The following ZHX2 variants were observed in gnomAD, a reference collection of about 807,000 sequenced individuals.
ZHX2 encodes zinc fingers and homeoboxes protein 2.
A neutral mutation model predicts 21.9 loss-of-function variants in ZHX2; 6 were observed. The ratio of observed to expected loss-of-function variants is 0.27; its 90% confidence interval spans 0.15 to 0.54. The LOEUF is 0.54. Among genes scored for constraint, ZHX2 ranks in the 20% least tolerant of loss-of-function variants. The pLI is 0.95. For missense variants in ZHX2, 908 were observed against 1,090.7 expected (o/e 0.83, Z 2.36); for synonymous variants, 434 against 437.1 (o/e 0.99, Z 0.09).
chr8:122,849,381 G>A (rs1818834419), intron 1 of ZHX2, among the ~76,000 whole-genome samples: 1 of 152,138 alleles, frequency 6.6e-6, no homozygotes, highest in Non-Finnish European at 1.5e-5. Flanking sequence ...AGTTTCCTGG[G>A]GTTGCTGGGA....
intron 1 of ZHX2, among the ~76,000 whole-genome samples, chr8:122,825,892 C>G (rs1435821505): frequency 1.7e-4 from 26 of 152,172 alleles, no homozygotes; most frequent in Admixed American, 1.7e-3. Context: ...TCCCCTCTCC[C>G]CCTCTCTTTA....
intron 2 of ZHX2, among the ~76,000 whole-genome samples, chr8:122,893,624 T>G (rs912507354): frequency 2.6e-5 from 4 of 152,206 alleles, no homozygotes; most frequent in Admixed American, 2.0e-4. Flanking sequence ...CTTTCAATTG[T>G]AATTTTTACT....
At chr8:122,808,372 C>T (rs2130596934) in intron 1 of ZHX2, among the ~76,000 whole-genome samples, 1 of 152,274 alleles carries the variant, frequency 6.6e-6, no homozygotes, top group East Asian at 1.9e-4. Flanking sequence ...AACGTACAAT[C>T]ATGGGTGGAA....
intron 2 of ZHX2, among the ~76,000 whole-genome samples, chr8:122,888,248 TTTTTTGTTTTTC>T (rs1819889802): frequency 6.6e-6 from 1 of 152,010 alleles, no homozygotes; most frequent in Non-Finnish European, 1.5e-5. Flanking sequence ...CTTGATTTTT[TTTTTTGTTTTTC>T]TTTTTTTAAA....
intron 1 of ZHX2, among the ~76,000 whole-genome samples, chr8:122,861,180 C>T (rs566601024): frequency 3.9e-5 from 6 of 151,936 alleles, no homozygotes; most frequent in Non-Finnish European, 8.8e-5. Flanking sequence ...GTGGAGTGAG[C>T]GGGTGTCATG....
intron 2 of ZHX2, among the ~76,000 whole-genome samples, chr8:122,876,693 A>G (rs981369383): frequency 9.2e-5 from 14 of 152,160 alleles, no homozygotes; most frequent in African/African-American, 3.4e-4. Context: ...TCCTTTGTAC[A>G]CCGATCGGCT....
chr8:122,876,186 A>T (rs757739124), intron 2 of ZHX2, among the ~76,000 whole-genome samples: 4 of 151,238 alleles, frequency 2.6e-5, no homozygotes, highest in Non-Finnish European at 5.9e-5. Flanking sequence ...AGCACCAGGA[A>T]CTCATAAGAG....
chr8:122,809,707 G>T (rs1181194057), intron 1 of ZHX2, among the ~76,000 whole-genome samples: 8 of 152,086 alleles, frequency 5.3e-5, no homozygotes, highest in African/African-American at 1.9e-4. Flanking sequence ...TCACGCGTGG[G>T]GCCTGAAGTG....
intron 2 of ZHX2, among the ~76,000 whole-genome samples, chr8:122,908,036 C>T (rs1328482192): frequency 6.6e-6 from 1 of 152,166 alleles, no homozygotes; most frequent in African/African-American, 2.4e-5. Context: ...TGCGTACATC[C>T]TTGCCCTGTG....
chr8:122,971,611 C>CAAAAAAAAAAAAAAAAA (rs56331425), intron 3 of ZHX2, among the ~76,000 whole-genome samples: 3 of 81,794 alleles, frequency 3.7e-5, no homozygotes, highest in African/African-American at 9.3e-5. Flanking sequence ...GGCCCCTGTA[C>CAAAAAAAAAAAAAAAAA]AAAAAAAAAA....
At position 122,951,332 on chromosome 8, in the gene ZHX2, CA is replaced by C. The variant is rs1813104059; in HGVS notation, c.-177del. On this transcript the variant is annotated 5_prime_UTR_variant, in exon 3 of 4. It removes the in-frame stop codon of an upstream open reading frame in the 5' UTR. Transcript: ENST00000314393. ...GTGTGTTTAGTGGTTGGTGCCATTC[CA>C]ATTTTCTGTGCTGAAATCATTCTGA... 41 of 613,924 alleles carry C rather than the reference CA, an allele frequency of 6.7e-5. No individual in the cohort carries two copies. The East Asian group carries it at 1.1e-3, about 17-fold the overall frequency. The allele number at this position is 613,924 out of a possible 1,614,324, so 38.0% of individuals were successfully genotyped here.
intron 1 of ZHX2, among the ~76,000 whole-genome samples, chr8:122,822,542 G>C (rs564989207): frequency 4.3e-4 from 66 of 152,322 alleles, no homozygotes; most frequent in Admixed American, 2.7e-3. Flanking sequence ...CTTCCCGGAG[G>C]AAGTGGTAAC....
intron 1 of ZHX2, chr8:122,810,622 A>C (rs1817907572): frequency 6.6e-6 from 1 of 152,180 alleles, no homozygotes; most frequent in Non-Finnish European, 1.5e-5. Flanking sequence ...AGTGAGGGGC[A>C]GGATGTGTAT....
rs752455007 is a variant in ZHX2, at chr8:122,953,081, C to T, written c.1571C>T (p.Ala524Val). 4 of 1,613,986 alleles carry T rather than the reference C, an allele frequency of 2.5e-6. No homozygotes were observed. The highest frequency in any genetic ancestry group is 2.5e-6 in the Non-Finnish European group (3 of 1,180,032). Reference protein sequence around the residue: ...AASRHGRTYHAYPDFAPQKFK... With the variant: ...AASRHGRTYHVYPDFAPQKFK... The stretch of plus-strand genomic sequence containing the variant: ...TCCCGACACGGTCGCACGTATCATG[C>T]GTACCCAGACTTTGCCCCCCAGAAG... Residue 524 changes from alanine to valine, a missense_variant, in exon 3 of 4, where the codon GCG (alanine) becomes GTG (valine). Transcript: ENST00000314393. The surrounding 1 kb of genome is among the most constrained non-coding windows in gnomAD (Gnocchi z 4.6).
At chr8:122,924,491 A>G (rs1820807613) in intron 2 of ZHX2, among the ~76,000 whole-genome samples, 1 of 152,160 alleles carries the variant, frequency 6.6e-6, no homozygotes, top group South Asian at 2.1e-4. Context: ...AGACTTTGAC[A>G]TATCTTTTTA....
At chr8:122,856,904 A>T (rs980879664) in intron 1 of ZHX2, among the ~76,000 whole-genome samples, 11 of 152,030 alleles carry the variant, frequency 7.2e-5, no homozygotes, top group Admixed American at 6.5e-4. Context: ...CCCAACACAC[A>T]CAGGTAAAGG....
At chr8:122,833,814 G>A (rs1349202623) in intron 1 of ZHX2, among the ~76,000 whole-genome samples, 1 of 152,110 alleles carries the variant, frequency 6.6e-6, no homozygotes, top group Non-Finnish European at 1.5e-5. Flanking sequence ...GGCTAACACG[G>A]TGAAACCTCA....
intron 2 of ZHX2, among the ~76,000 whole-genome samples, chr8:122,873,646 G>T (rs1337684963): frequency 6.6e-6 from 1 of 152,198 alleles, no homozygotes; most frequent in East Asian, 1.9e-4. Context: ...TCTAATGGCT[G>T]CTATAACATA....
chr8:122,914,046 C>G (rs1820541032), intron 2 of ZHX2, among the ~76,000 whole-genome samples: 1 of 152,224 alleles, frequency 6.6e-6, no homozygotes. Context: ...GCCATTGTCT[C>G]ATCTCTGTCT....
Sources: allele counts gnomAD v4.1 joint callset (sites outside exome capture counted in the v4.1 genomes callset), GRCh38; gene constraint gnomAD v4.1.1; non-coding constraint Gnocchi (gnomAD v3.1); transcripts MANE v1.5; gene names NCBI Gene and HGNC (gene_info 2026-07-23, HGNC 2026-07-21).